SEMA3C: variants seen among roughly 807,000 people sequenced by gnomAD.
The protein encoded by SEMA3C is semaphorin 3C, also known as semaphorin-3C.
In SEMA3C, 47 loss-of-function variants were observed where a neutral mutation model predicts 89.4. The ratio of observed to expected loss-of-function variants is 0.53; its 90% CI spans 0.42 to 0.67. The LOEUF is 0.67. SEMA3C is among the 30% of genes least tolerant of loss of function. The probability of loss-of-function intolerance (pLI) is 0.00; values close to 1 mark genes in which losing one functional copy is unlikely to be tolerated. For synonymous variants in SEMA3C, 310 were observed against 320.2 expected, an observed-to-expected ratio of 0.97 and a Z score of 0.34; for missense variants, 839 against 929.1, an observed-to-expected ratio of 0.90 and a Z score of 1.26.
chr7:80,860,837 A>C (rs1162569658), intron 2 of SEMA3C, among the ~76,000 whole-genome samples: 1 of 152,114 alleles, frequency 6.6e-6, no homozygotes, highest in African/African-American at 2.4e-5. Context: ...GGTTTGAAAA[A>C]TTCTGTTTGG....
At chr7:80,813,220 C>A (rs189059634) in intron 5 of SEMA3C, among the ~76,000 whole-genome samples, 200 of 152,246 alleles carry the variant, frequency 1.3e-3, no homozygotes, top group Admixed American at 4.6e-3. Context: ...AGGAATACAT[C>A]TATCTACATT....
intron 2 of SEMA3C, among the ~76,000 whole-genome samples, chr7:80,832,879 T>C (rs9886314): frequency 0.64 from 97,403 of 152,034 alleles, 31,488 homozygotes; most frequent in Middle Eastern, 0.78. Flanking sequence ...TTTTCTGCTG[T>C]AGAAATAAAT....
upstream of SEMA3C, chr7:80,922,277 A>C (rs1318039144): frequency 7.8e-7 from 1 of 1,288,786 alleles, no homozygotes; most frequent in Admixed American, 2.3e-5. Context: ...TTTTTGCTTA[A>C]CATTTTTCTC....
intron 2 of SEMA3C, among the ~76,000 whole-genome samples, chr7:80,887,920 G>C (rs934763082): frequency 6.6e-6 from 1 of 152,056 alleles, no homozygotes; most frequent in African/African-American, 2.4e-5. Flanking sequence ...ACAGTAAATA[G>C]TCTACATAAA....
chr7:80,843,330 C>G (rs77240572), intron 2 of SEMA3C, among the ~76,000 whole-genome samples: 1,967 of 152,204 alleles, frequency 0.013, 39 homozygotes, highest in African/African-American at 0.045. Flanking sequence ...TATTATCTAT[C>G]AATTAAAGCA....
rs1788185969 is a variant in SEMA3C, at chr7:80,761,677, CAT to C, written c.1444-22_1444-21del. 7 of 1,284,060 alleles carry C rather than the reference CAT, an allele frequency of 5.5e-6. No individual in the cohort carries two copies. Among genetic ancestry groups the C allele is most frequent in the South Asian group, 2.8e-5 (2 of 71,618 alleles). The allele number at this position is 1,284,060 out of a possible 1,614,324, so 79.5% of individuals were successfully genotyped here. A position where few individuals can be genotyped will look rare whatever the true frequency, so the allele number is the denominator to read the frequency against. ...ATGATTCTAAAATATTAGAAAACAA[CAT>C]GTTAGTTGCTCAAATATTGCTTAAA... On this transcript the variant is annotated intron_variant, in intron 13 of 17. Coordinates refer to ENST00000265361, the MANE Select transcript of SEMA3C (RefSeq NM_006379.5).
intron 2 of SEMA3C, among the ~76,000 whole-genome samples, chr7:80,866,385 G>A (rs1347282681): frequency 6.6e-6 from 1 of 152,076 alleles, no homozygotes; most frequent in Non-Finnish European, 1.5e-5. Flanking sequence ...CTAGTTTAAT[G>A]AAAGAGCTAG....
intron 2 of SEMA3C, among the ~76,000 whole-genome samples, chr7:80,830,131 C>T (rs373471499): frequency 7.2e-5 from 11 of 152,234 alleles, no homozygotes; most frequent in African/African-American, 2.6e-4. Flanking sequence ...AGAATGTCTG[C>T]CATAATATCC....
At chr7:80,767,673 T>C (rs1788334488) in intron 12 of SEMA3C, among the ~76,000 whole-genome samples, 1 of 152,248 alleles carries the variant, frequency 6.6e-6, no homozygotes, top group Admixed American at 6.5e-5. Context: ...TTTGTAAATA[T>C]GCATTATCAT....
At chr7:80,791,854 G>A (rs1188169674) in intron 11 of SEMA3C, among the ~76,000 whole-genome samples, 2 of 152,162 alleles carry the variant, frequency 1.3e-5, no homozygotes, top group African/African-American at 2.4e-5. Flanking sequence ...AGGCCTCCAC[G>A]TGCAGCTAGA....
At chr7:80,825,501 C>T (rs1027286820) in intron 4 of SEMA3C, among the ~76,000 whole-genome samples, 4 of 152,070 alleles carry the variant, frequency 2.6e-5, no homozygotes, top group Non-Finnish European at 5.9e-5. Context: ...TATCTAATAA[C>T]GTTTAATTGT....
intron 10 of SEMA3C, among the ~76,000 whole-genome samples, chr7:80,798,870 C>A (rs926376071): frequency 6.6e-6 from 1 of 152,110 alleles, no homozygotes; most frequent in Non-Finnish European, 1.5e-5. Context: ...TGTCCTATGG[C>A]AGGTTGGCTG....
chr7:80,913,018 T>C (rs1792188668), intron 2 of SEMA3C, among the ~76,000 whole-genome samples: 1 of 152,212 alleles, frequency 6.6e-6, no homozygotes, highest in African/African-American at 2.4e-5. Context: ...TAGTCTTTCA[T>C]TTACATACTA....
At chr7:80,809,395 A>G (rs1044274471) in intron 6 of SEMA3C, among the ~76,000 whole-genome samples, 1 of 152,168 alleles carries the variant, frequency 6.6e-6, no homozygotes, top group African/African-American at 2.4e-5. Context: ...AGGAGTGCAG[A>G]CAACTCTTTG....
At chr7:80,907,044 A>C (rs1299258874) in intron 2 of SEMA3C, among the ~76,000 whole-genome samples, 5 of 152,214 alleles carry the variant, frequency 3.3e-5, no homozygotes, top group Non-Finnish European at 5.9e-5. Context: ...TGCATAGTTC[A>C]TATTCATTAT....
intron 11 of SEMA3C, among the ~76,000 whole-genome samples, chr7:80,793,851 A>G (rs1329612010): frequency 6.6e-6 from 1 of 151,386 alleles, no homozygotes; most frequent in Non-Finnish European, 1.5e-5. Context: ...AGCACGGTCG[A>G]GGGGATCTTA....
At chr7:80,797,689 G>A (rs1789096834) in intron 11 of SEMA3C, among the ~76,000 whole-genome samples, 1 of 152,092 alleles carries the variant, frequency 6.6e-6, no homozygotes, top group South Asian at 2.1e-4. Flanking sequence ...TTTCTCACAT[G>A]GTTATTCCTT....
At chr7:80,912,237 T>A (rs192931618) in intron 2 of SEMA3C, among the ~76,000 whole-genome samples, 1 of 152,338 alleles carries the variant, frequency 6.6e-6, no homozygotes, top group East Asian at 1.9e-4. Flanking sequence ...CCTTTTATCC[T>A]AAAATTTTCA....
rs575595686 is a variant in SEMA3C at position 80,836,357 on chromosome 7, C to A, written c.104-7612G>T. 3.9e-5 allele frequency among the ~76,000 whole-genome samples: 6 copies of A among 152,202 alleles called. No homozygotes were observed. The South Asian group carries it at 1.2e-3, about 32-fold the overall frequency. On this transcript the variant is annotated intron_variant, in intron 2 of 17. Coordinates refer to ENST00000265361, the MANE Select transcript of SEMA3C (RefSeq NM_006379.5). ...ATGGATTAAAGAAGGAATGAGGAAA[C>A]AACTATACGCAGGGAACCCAGCTAA...
Sources: gnomAD v4.1 joint callset for allele counts (sites outside exome capture counted in the v4.1 genomes callset) on GRCh38, gnomAD v4.1.1 for gene constraint, MANE v1.5 for transcripts, NCBI Gene and HGNC (gene_info 2026-07-23, HGNC 2026-07-21) for gene names.